SGMS1: variants seen among roughly 807,000 people sequenced by gnomAD.
SGMS1 encodes phosphatidylcholine:ceramide cholinephosphotransferase 1.
SGMS1 carries 13 observed loss-of-function variants against 46.2 expected under a neutral mutation model. The ratio of observed to expected loss-of-function variants is 0.28; its 90% CI spans 0.18 to 0.45. The LOEUF is 0.45. SGMS1 is among the 20% of genes least tolerant of loss of function. The pLI is 1.00. For synonymous variants in SGMS1, 203 were observed against 187.8 expected, an observed-to-expected ratio of 1.08 and a Z score of -0.66; for missense variants, 324 against 519.9, an observed-to-expected ratio of 0.62 and a Z score of 3.66.
At chr10:50,333,851 G>A (rs906151437) in intron 7 of SGMS1, among the ~76,000 whole-genome samples, 2 of 152,178 alleles carry the variant, frequency 1.3e-5, no homozygotes, top group Non-Finnish European at 2.9e-5. Flanking sequence ...AAATGTGTCT[G>A]TACATATACT....
At chr10:50,545,657 C>G (rs1838094956) in intron 2 of SGMS1, among the ~76,000 whole-genome samples, 1 of 152,120 alleles carries the variant, frequency 6.6e-6, no homozygotes, top group Non-Finnish European at 1.5e-5. Flanking sequence ...AGGTTGGTCT[C>G]AAACTCCTGA....
intron 4 of SGMS1, among the ~76,000 whole-genome samples, chr10:50,461,854 C>T (rs1159091633): frequency 2.0e-5 from 3 of 152,304 alleles, no homozygotes; most frequent in Non-Finnish European, 2.9e-5. Flanking sequence ...CCGTACCCTC[C>T]CAACTTTTAA....
chr10:50,517,580 C>T (rs1837816945), intron 3 of SGMS1, among the ~76,000 whole-genome samples: 1 of 151,878 alleles, frequency 6.6e-6, no homozygotes, highest in Non-Finnish European at 1.5e-5. Context: ...TTAATCAAAA[C>T]CAGAAGATGA....
chr10:50,547,735 A>G (rs958010257), intron 2 of SGMS1, among the ~76,000 whole-genome samples: 4 of 152,168 alleles, frequency 2.6e-5, no homozygotes, highest in African/African-American at 9.6e-5. Flanking sequence ...CAGAGATACA[A>G]CAAAAAAAGA....
chr10:50,307,310 T>C lies in SGMS1; in HGVS notation c.1074A>G (p.Glu358=), dbSNP rs770597543. Residue 358 remains glutamate (E), a synonymous_variant, in exon 11 of 11, where the codon GAA becomes GAG. Transcript: ENST00000361781. The surrounding 1 kb of genome is among the most constrained non-coding windows in gnomAD (Gnocchi z 4.2). ...HTMANQQVLK[E]ASQMNLLARV... ...TGGCCAGGAGGTTCATCTGGGAAGC[T>C]TCCTTTAGCACCTAGGATAACAAAG... 9 of 1,613,174 alleles carry C rather than the reference T, an allele frequency of 5.6e-6. No homozygotes were observed. Among genetic ancestry groups the C allele is most frequent in the Non-Finnish European group, 7.6e-6 (9 of 1,179,542 alleles).
chr10:50,429,847 T>G (rs1302098803), intron 6 of SGMS1, among the ~76,000 whole-genome samples: 2 of 152,130 alleles, frequency 1.3e-5, no homozygotes, highest in Non-Finnish European at 2.9e-5. Context: ...TGGAACTATT[T>G]TATTTCTTCC....
At chr10:50,345,771 A>C (rs1019516514) in intron 6 of SGMS1, among the ~76,000 whole-genome samples, 1 of 152,218 alleles carries the variant, frequency 6.6e-6, no homozygotes, top group Non-Finnish European at 1.5e-5. Context: ...GAAATATTCC[A>C]AAGTATCCCC....
chr10:50,514,017 G>A (rs749324516), intron 3 of SGMS1, among the ~76,000 whole-genome samples: 24 of 152,112 alleles, frequency 1.6e-4, no homozygotes, highest in Non-Finnish European at 2.9e-5. Context: ...GAGGCATATT[G>A]TTAAGTTCAA....
At chr10:50,439,679 C>T (rs1022119056) in intron 5 of SGMS1, among the ~76,000 whole-genome samples, 11 of 152,106 alleles carry the variant, frequency 7.2e-5, no homozygotes, top group African/African-American at 2.7e-4. Flanking sequence ...AAAATAACAC[C>T]ATATAAACAT....
chr10:50,311,187 T>C (rs2251601), intron 9 of SGMS1, 75 bp downstream of exon 9: 472,305 of 1,520,934 alleles, frequency 0.31, 74,736 homozygotes, highest in East Asian at 0.46. Context: ...TTCCAGAAAA[T>C]GAGCTTTACC....
intron 8 of SGMS1, among the ~76,000 whole-genome samples, chr10:50,314,015 T>C (rs1292589524): frequency 1.3e-5 from 2 of 151,516 alleles, no homozygotes; most frequent in African/African-American, 4.9e-5. Context: ...GCAAACAAAA[T>C]ACAAGACAAA....
chr10:50,449,468 T>G (rs1837072374), intron 5 of SGMS1, among the ~76,000 whole-genome samples: 1 of 152,134 alleles, frequency 6.6e-6, no homozygotes, highest in Non-Finnish European at 1.5e-5. Context: ...AGCTCCACTT[T>G]CCTGCAAAAT....
Position 50,343,481 on chromosome 10 carries a change from A to G in SGMS1, c.623+11T>C, listed in dbSNP as rs373815567. ...ATAATCATTGAATCTTAGAGCTTTT[A>G]CTTGACTTACTTGTATTTTAAGAGC... On this transcript the variant is annotated intron_variant, in intron 7 of 10. Transcript: ENST00000361781. 3.2e-6 allele frequency: 5 copies of G among 1,577,012 alleles called. No individual in the cohort carries two copies. Among genetic ancestry groups the G allele is most frequent in the Non-Finnish European group, 4.3e-6 (5 of 1,164,488 alleles).
At chr10:50,350,290 A>C (rs957660877) in intron 6 of SGMS1, among the ~76,000 whole-genome samples, 5 of 152,226 alleles carry the variant, frequency 3.3e-5, no homozygotes, top group Non-Finnish European at 7.3e-5. Flanking sequence ...TTTAAGATGT[A>C]ACCTGGGTGC....
intron 3 of SGMS1, among the ~76,000 whole-genome samples, chr10:50,499,765 G>A (rs1202438588): frequency 2.6e-5 from 4 of 152,326 alleles, no homozygotes; most frequent in East Asian, 3.8e-4. Context: ...CACATTGTGA[G>A]ACAAGATTGG....
intron 6 of SGMS1, among the ~76,000 whole-genome samples, chr10:50,392,285 T>G (rs1238142879): frequency 2.6e-5 from 4 of 152,114 alleles, no homozygotes; most frequent in Non-Finnish European, 5.9e-5. Context: ...GTCAAAAGTT[T>G]TCTGTCTATG....
chr10:50,327,000 C>CAAACTAGAACACAT (rs111591266), intron 8 of SGMS1, among the ~76,000 whole-genome samples: 98,335 of 151,922 alleles, frequency 0.65, 33,360 homozygotes, highest in African/African-American at 0.86. Flanking sequence ...TTCCAACACA[C>CAAACTAGAACACAT]ATTTCCCCAG....
intron 6 of SGMS1, among the ~76,000 whole-genome samples, chr10:50,423,795 T>A (rs1849286093): frequency 6.6e-6 from 1 of 152,254 alleles, no homozygotes; most frequent in South Asian, 2.1e-4. Context: ...TGAAATATAA[T>A]GCTGAATAAT....
chr10:50,557,958 T>G (rs1043818288), intron 2 of SGMS1, among the ~76,000 whole-genome samples: 2 of 152,224 alleles, frequency 1.3e-5, no homozygotes, highest in South Asian at 2.1e-4. Context: ...GTAACTTACA[T>G]AGACACCGTA....
Sources: gnomAD v4.1 joint callset for allele counts (sites outside exome capture counted in the v4.1 genomes callset) on GRCh38, gnomAD v4.1.1 for gene constraint, Gnocchi (gnomAD v3.1) non-coding constraint, MANE v1.5 for transcripts, NCBI Gene and HGNC (gene_info 2026-07-23, HGNC 2026-07-21) for gene names.